Variants in MYO1D observed in about 807,000 individuals in gnomAD.
MYO1D encodes unconventional myosin-Id.
A neutral mutation model predicts 122.0 loss-of-function variants in MYO1D; 83 were observed. That is an observed-to-expected ratio of 0.68 (90% CI 0.57 to 0.82). The LOEUF is 0.82. Ranked by LOEUF, MYO1D falls within the 40% of genes least tolerant of loss-of-function variation. MYO1D has a pLI of 0.00. For missense variants in MYO1D, 1,157 were observed against 1,269.5 expected, an observed-to-expected ratio of 0.91 and a Z score of 1.35; for synonymous variants, 464 against 446.9, an observed-to-expected ratio of 1.04 and a Z score of -0.48.
At chr17:32,800,095 T>A (rs1020347929) in intron 1 of MYO1D, among the ~76,000 whole-genome samples, 3 of 152,184 alleles carry the variant, frequency 2.0e-5, no homozygotes, top group Non-Finnish European at 4.4e-5. Context: ...GGTGGTATTA[T>A]AAATTATACA....
chr17:32,677,109 C>CAG (rs1283470723), intron 16 of MYO1D, among the ~76,000 whole-genome samples: 1 of 152,162 alleles, frequency 6.6e-6, no homozygotes, highest in Admixed American at 6.5e-5. Context: ...CGTGCCCGGC[C>CAG]AGAAGTTTTA....
chr17:32,555,763 C>T (rs937987974), intron 21 of MYO1D, among the ~76,000 whole-genome samples: 6 of 152,184 alleles, frequency 3.9e-5, no homozygotes, highest in African/African-American at 1.2e-4. Flanking sequence ...CGTGCAAAGC[C>T]GTGGCTAATG....
intron 1 of MYO1D, among the ~76,000 whole-genome samples, chr17:32,789,669 C>A (rs1028471078): frequency 6.6e-6 from 1 of 152,036 alleles, no homozygotes; most frequent in African/African-American, 2.4e-5. Flanking sequence ...TAGGGTGGAC[C>A]TGAAACCAAT....
At chr17:32,568,858 C>T (rs452538) in intron 21 of MYO1D, among the ~76,000 whole-genome samples, 63,008 of 151,926 alleles carry the variant, frequency 0.41, 13,137 homozygotes, top group East Asian at 0.53. Flanking sequence ...TGCACCTACT[C>T]ACTGGAATTA....
chr17:32,636,441 A>T (rs1275140048), intron 20 of MYO1D, among the ~76,000 whole-genome samples: 1 of 152,214 alleles, frequency 6.6e-6, no homozygotes, highest in Non-Finnish European at 1.5e-5. Context: ...CCTATCATCC[A>T]CACCTAATAT....
At chr17:32,839,788 A>C (rs1208286393) in intron 1 of MYO1D, among the ~76,000 whole-genome samples, 1 of 152,032 alleles carries the variant, frequency 6.6e-6, no homozygotes, top group Non-Finnish European at 1.5e-5. Context: ...TCCACAGGGG[A>C]TTTGTTATTC....
At chr17:32,831,485 T>C (rs575808335) in intron 1 of MYO1D, among the ~76,000 whole-genome samples, 1 of 152,362 alleles carries the variant, frequency 6.6e-6, no homozygotes, top group Middle Eastern at 3.4e-3. Context: ...TTTCAGATAA[T>C]GAGATACTTA....
intron 21 of MYO1D, among the ~76,000 whole-genome samples, chr17:32,571,198 G>C (rs1375765224): frequency 6.6e-6 from 1 of 152,168 alleles, no homozygotes; most frequent in Non-Finnish European, 1.5e-5. Flanking sequence ...GAGGATGCAG[G>C]GTAGCCAGGA....
At chr17:32,592,683 G>T (rs1396293826) in intron 21 of MYO1D, among the ~76,000 whole-genome samples, 1 of 145,164 alleles carries the variant, frequency 6.9e-6, no homozygotes, top group Non-Finnish European at 1.5e-5. Flanking sequence ...AGAATAAGAT[G>T]GAACTGTGAG....
chr17:32,673,081 A>C (rs61667246), intron 16 of MYO1D, among the ~76,000 whole-genome samples: 3,706 of 128,492 alleles, frequency 0.029, 120 homozygotes, highest in East Asian at 0.18. Context: ...GAATTACATA[A>C]ACATGCTACT....
chr17:32,832,455 A>G (rs2090780970), intron 1 of MYO1D, among the ~76,000 whole-genome samples: 1 of 151,718 alleles, frequency 6.6e-6, no homozygotes, highest in South Asian at 2.1e-4. Flanking sequence ...GCCCGCCACC[A>G]CGCCCAGCTA....
chr17:32,763,647 C>T (rs971130425), intron 8 of MYO1D, among the ~76,000 whole-genome samples: 3 of 152,084 alleles, frequency 2.0e-5, no homozygotes, highest in African/African-American at 2.4e-5. Context: ...ATGGCAGGTG[C>T]GGTGGCTCAC....
intron 1 of MYO1D, among the ~76,000 whole-genome samples, chr17:32,803,123 C>A (rs938737720): frequency 3.3e-5 from 5 of 152,060 alleles, no homozygotes; most frequent in African/African-American, 4.8e-5. Flanking sequence ...GAAATGTGAA[C>A]CAAGTTGTGC....
intron 16 of MYO1D, among the ~76,000 whole-genome samples, chr17:32,667,715 T>C (rs968189730): frequency 6.6e-6 from 1 of 152,234 alleles, no homozygotes; most frequent in Non-Finnish European, 1.5e-5. Flanking sequence ...TGTCTTACCT[T>C]GGTCTGGGAG....
intron 16 of MYO1D, among the ~76,000 whole-genome samples, chr17:32,663,356 T>C (rs2088596308): frequency 6.6e-6 from 1 of 152,210 alleles, no homozygotes; most frequent in African/African-American, 2.4e-5. Flanking sequence ...GATTTGATAT[T>C]GTTTTATTCT....
At chr17:32,550,589 A>G (rs1297526877) in intron 21 of MYO1D, among the ~76,000 whole-genome samples, 2 of 152,230 alleles carry the variant, frequency 1.3e-5, no homozygotes, top group Non-Finnish European at 2.9e-5. Flanking sequence ...ACTGAGTCCC[A>G]TGTCTTCATT....
chr17:32,837,354 G>T (rs868692428), intron 1 of MYO1D, among the ~76,000 whole-genome samples: 1 of 146,292 alleles, frequency 6.8e-6, no homozygotes, highest in Non-Finnish European at 1.5e-5. Flanking sequence ...TATTATATAG[G>T]ACCATAATAT....
intron 1 of MYO1D, among the ~76,000 whole-genome samples, chr17:32,863,377 C>T (rs8066735): frequency 0.049 from 7,499 of 152,242 alleles, 598 homozygotes; most frequent in African/African-American, 0.17. Flanking sequence ...TCTTGCCCTA[C>T]GACTGATATA....
chr17:32,778,625 A>C, intron 2 of MYO1D, 52 bp from the exon 3 acceptor site: 1 of 1,451,622 alleles, frequency 6.9e-7, no homozygotes, highest in Non-Finnish European at 9.6e-7. Flanking sequence ...ACCAAGAGTA[A>C]GCTAATTTTT....
Sources: gnomAD v4.1 joint callset for allele counts (sites outside exome capture counted in the v4.1 genomes callset) on GRCh38, gnomAD v4.1.1 for gene constraint, MANE v1.5 for transcripts, NCBI Gene and HGNC (gene_info 2026-07-23, HGNC 2026-07-21) for gene names.